Variants in CDH10 observed in about 807,000 individuals in gnomAD.
CDH10 encodes cadherin 10.
In CDH10, 30 loss-of-function variants were observed where a neutral mutation model predicts 73.1. That is an observed-to-expected ratio of 0.41 (90% CI 0.31 to 0.56). CDH10 has a LOEUF of 0.56. Among genes scored for constraint, CDH10 ranks in the 20% least tolerant of loss-of-function variants. The probability of loss-of-function intolerance (pLI) is 0.27; values close to 1 mark genes in which losing one functional copy is unlikely to be tolerated. For missense variants in CDH10, 815 were observed against 973.7 expected (o/e 0.84, Z 2.17); for synonymous variants, 345 against 348.2 (o/e 0.99, Z 0.10).
At chr5:24,530,792 G>A (rs1383535431) in intron 5 of CDH10, among the ~76,000 whole-genome samples, 2 of 151,922 alleles carry the variant, frequency 1.3e-5, no homozygotes, top group African/African-American at 4.8e-5. Flanking sequence ...CAGTTTTAAG[G>A]TGCATCCCTA....
chr5:24,487,804 A>T lies in CDH10; in HGVS notation c.2226T>A (p.Asp742Glu), dbSNP rs985564698. 6.2e-7 allele frequency: 1 copy of T among 1,612,802 alleles called. No individual in the cohort carries two copies. Among genetic ancestry groups the T allele is most frequent in the African/African-American group, 1.3e-5 (1 of 74,830 alleles). ...SLATYAYEGN[D>E]SIAESLSSLE... ...ATGAACTCAGAGATTCAGCAATGGA[A>T]TCATTTCCTTCATAGGCATAGGTTG... The change falls in exon 12 of 12, where the codon GAT (aspartate) becomes GAA (glutamate). Residue 742 changes from aspartate to glutamate, a missense_variant. Physicochemically the swap from Asp to Glu is conservative, Grantham distance 45. Transcript: ENST00000264463.
At position 24,530,955 on chromosome 5, in the gene CDH10, T is replaced by C. The variant is rs1351047211; in HGVS notation, c.814+4157A>G. ...GTTAATGGCAATGATAATTTATAAT[T>C]ATCAATGTTCCCCTGAGCGTAAAGC... On this transcript the variant is annotated intron_variant, in intron 5 of 11. Coordinates refer to ENST00000264463, the MANE Select transcript of CDH10 (RefSeq NM_006727.5). 2.8e-4 allele frequency among the ~76,000 whole-genome samples: 42 copies of C among 152,110 alleles called. 1 individual carries two copies. Among genetic ancestry groups the C allele is most frequent in the Non-Finnish European group, 2.1e-4 (14 of 68,012 alleles).
chr5:24,538,912 C>T (rs1477490403), intron 2 of CDH10, among the ~76,000 whole-genome samples: 3 of 152,018 alleles, frequency 2.0e-5, no homozygotes. Context: ...TTCAGTGTTA[C>T]CACCCTACCA....
intron 2 of CDH10, among the ~76,000 whole-genome samples, chr5:24,540,813 G>A: frequency 6.6e-6 from 1 of 151,838 alleles, no homozygotes; most frequent in East Asian, 1.9e-4. Context: ...CTGTATTTGA[G>A]GGCATGACAT....
intron 2 of CDH10, among the ~76,000 whole-genome samples, chr5:24,585,889 C>A (rs1213711480): frequency 6.6e-6 from 1 of 152,208 alleles, no homozygotes; most frequent in Non-Finnish European, 1.5e-5. Context: ...TCCCTCCGCT[C>A]TGCTAGACTC....
At chr5:24,545,931 A>T (rs185393954) in intron 2 of CDH10, among the ~76,000 whole-genome samples, 97 of 152,294 alleles carry the variant, frequency 6.4e-4, no homozygotes, top group African/African-American at 2.0e-3. Context: ...TGCTACAGAG[A>T]CAATATTTGA....
intron 5 of CDH10, among the ~76,000 whole-genome samples, chr5:24,516,781 T>C (rs1035628896): frequency 6.6e-6 from 1 of 151,854 alleles, no homozygotes; most frequent in Non-Finnish European, 1.5e-5. Flanking sequence ...TGTTCCAAGT[T>C]CATCTTATAT....
chr5:24,503,563 G>A (rs902095595), intron 8 of CDH10, among the ~76,000 whole-genome samples: 15 of 152,150 alleles, frequency 9.9e-5, no homozygotes, highest in Non-Finnish European at 1.5e-4. Context: ...AATTGTCCTA[G>A]TATGGGCAAG....
intron 2 of CDH10, among the ~76,000 whole-genome samples, chr5:24,576,957 G>C (rs182454624): frequency 2.6e-5 from 4 of 151,314 alleles, no homozygotes; most frequent in Admixed American, 2.0e-4. Context: ...TACCTCAGTG[G>C]TCTTCCTCCC....
At chr5:24,532,366 A>T (rs2873987) in intron 5 of CDH10, among the ~76,000 whole-genome samples, 65,777 of 151,708 alleles carry the variant, frequency 0.43, 14,836 homozygotes, top group East Asian at 0.58. Context: ...TAAATTATTT[A>T]GTCTTAGATT....
chr5:24,594,117 A>G (rs552830125), intron 1 of CDH10, among the ~76,000 whole-genome samples: 2 of 151,982 alleles, frequency 1.3e-5, no homozygotes, highest in East Asian at 3.9e-4. Flanking sequence ...AAAACAAAAC[A>G]AAACAAAACA....
chr5:24,515,011 C>G (rs954143719), intron 5 of CDH10, among the ~76,000 whole-genome samples: 3 of 152,024 alleles, frequency 2.0e-5, no homozygotes, highest in Non-Finnish European at 2.9e-5. Context: ...AAACCACATT[C>G]AACTAAATAT....
intron 11 of CDH10, among the ~76,000 whole-genome samples, chr5:24,489,323 G>A (rs373509415): frequency 3.9e-5 from 6 of 152,074 alleles, no homozygotes; most frequent in Non-Finnish European, 8.8e-5. Flanking sequence ...ACCTGTGAGA[G>A]AAGGCAAACA....
chr5:24,627,786 C>A (rs1747561994), intron 1 of CDH10, among the ~76,000 whole-genome samples: 1 of 151,936 alleles, frequency 6.6e-6, no homozygotes, highest in Non-Finnish European at 1.5e-5. Flanking sequence ...GCAGAAAAAA[C>A]ATCTACATAT....
At chr5:24,598,934 G>C (rs1299051876) in intron 1 of CDH10, among the ~76,000 whole-genome samples, 1 of 152,118 alleles carries the variant, frequency 6.6e-6, no homozygotes, top group African/African-American at 2.4e-5. Flanking sequence ...TCAGTGGGTA[G>C]ATAAAACATA....
At position 24,519,320 on chromosome 5, in the gene CDH10, T is replaced by A. The variant is rs577249276; in HGVS notation, c.815-7806A>T. Among the ~76,000 whole-genome samples the A allele has an allele frequency of 2.0e-5, 3 of 147,850 alleles. No individual in the cohort carries two copies. In the East Asian group the frequency reaches 6.1e-4, roughly 30 times the overall value. On this transcript the variant is annotated intron_variant, in intron 5 of 11. Transcript: ENST00000264463. ...ACAATATAGATCAATATTTTAATGA[T>A]CTTCAGTTTGAAAGGGATTTCTAAA...
rs750953239 is a variant in CDH10, at chr5:24,487,755, C to G, written c.2275G>C (p.Asp759His). Residue 759 changes from aspartate to histidine, a missense_variant, in exon 12 of 12, where the codon GAC becomes CAC. Physicochemically the swap from Asp to His is moderately conservative, Grantham distance 81 (BLOSUM62 -1). Around this residue, in one of 3 missense-constraint regions of CDH10, gnomAD observed 241 missense variants for 240.3 expected, o/e 1.00. Coordinates refer to ENST00000264463, the MANE Select transcript of CDH10 (RefSeq NM_006727.5). ...TCTCGGAGGTAATCGTAGTTTTGGT[C>G]TCCTTCAGTAGTACCTGATTCTAAT... ...SSLESGTTEG[D>H]QNYDYLREWG... 6.2e-7 allele frequency: 1 copy of G among 1,613,744 alleles called. No individual in the cohort carries two copies. Among genetic ancestry groups the G allele is most frequent in the South Asian group, 1.1e-5 (1 of 91,036 alleles).
At chr5:24,505,275 C>T (rs1742663445) in intron 7 of CDH10, 27 bp from the exon 8 acceptor site, 2 of 1,599,732 alleles carry the variant, frequency 1.3e-6, no homozygotes, top group South Asian at 1.1e-5. Context: ...AGAAAAAATA[C>T]ATGGCAGCAT....
At chr5:24,488,613 AC>A (rs1044789934) in intron 11 of CDH10, among the ~76,000 whole-genome samples, 2 of 152,178 alleles carry the variant, frequency 1.3e-5, no homozygotes, top group Non-Finnish European at 2.9e-5. Flanking sequence ...GCAAAAAGCA[AC>A]ATCATTCACA....
Sources: gnomAD v4.1 joint callset for allele counts (sites outside exome capture counted in the v4.1 genomes callset) on GRCh38, gnomAD v4.1.1 for gene constraint, gnomAD v4.1.1 regional missense constraint, MANE v1.5 for transcripts, NCBI Gene and HGNC (gene_info 2026-07-23, HGNC 2026-07-21) for gene names.